The following TRABD2B variants were observed in gnomAD, a reference collection of about 807,000 sequenced individuals.
TRABD2B encodes the protein metalloprotease TIKI2.
TRABD2B carries 14 observed loss-of-function variants against 40.1 expected under a neutral mutation model. The ratio of observed to expected loss-of-function variants is 0.35; its 90% CI spans 0.23 to 0.55. The LOEUF is 0.55. Among genes scored for constraint, TRABD2B ranks in the 20% least tolerant of loss-of-function variants. TRABD2B has a pLI of 0.90. For synonymous variants in TRABD2B, 263 were observed against 277.0 expected (o/e 0.95, Z 0.50); for missense variants, 541 against 648.6 (o/e 0.83, Z 1.80).
intron 2 of TRABD2B, among the ~76,000 whole-genome samples, chr1:47,843,060 C>T (rs1297111722): frequency 6.6e-6 from 1 of 152,060 alleles, no homozygotes; most frequent in Non-Finnish European, 1.5e-5. Context: ...GCCAGTGTGG[C>T]TGCTGTATAG....
intron 2 of TRABD2B, among the ~76,000 whole-genome samples, chr1:47,914,192 C>T (rs908330023): frequency 1.4e-4 from 21 of 152,236 alleles, no homozygotes; most frequent in African/African-American, 5.1e-4. Context: ...GTCGTGAGCC[C>T]CAGTCCCAAA....
intron 3 of TRABD2B, among the ~76,000 whole-genome samples, chr1:47,797,232 G>A (rs1322403117): frequency 6.6e-6 from 1 of 152,216 alleles, no homozygotes; most frequent in African/African-American, 2.4e-5. Context: ...GATTAAACAA[G>A]ATGTGTTTTG....
intron 2 of TRABD2B, among the ~76,000 whole-genome samples, chr1:47,956,535 C>A (rs1275242266): frequency 6.6e-6 from 1 of 152,226 alleles, no homozygotes; most frequent in African/African-American, 2.4e-5. Flanking sequence ...ATGGTCTTAG[C>A]AAACAGCACA....
intron 2 of TRABD2B, among the ~76,000 whole-genome samples, chr1:47,833,185 G>A (rs890687542): frequency 1.3e-5 from 2 of 152,332 alleles, no homozygotes. Flanking sequence ...GTGGGGGATG[G>A]TGGCAGAGAG....
chr1:47,830,766 G>A (rs1308822005), intron 2 of TRABD2B, among the ~76,000 whole-genome samples: 4 of 152,176 alleles, frequency 2.6e-5, no homozygotes, highest in African/African-American at 4.8e-5. Context: ...AGGGAAAGAC[G>A]GAGGCAAAGA....
intron 2 of TRABD2B, among the ~76,000 whole-genome samples, chr1:47,916,308 A>C (rs540514038): frequency 3.0e-4 from 46 of 152,214 alleles, no homozygotes; most frequent in African/African-American, 1.1e-3. Flanking sequence ...TCCAACATCC[A>C]CTAAGGAGTC....
chr1:47,794,790 G>GT (rs555844964), intron 3 of TRABD2B, 30 bp from the exon 4 acceptor site: 219,623 of 1,104,360 alleles, frequency 0.2, 1,086 homozygotes, highest in Non-Finnish European at 0.21. Context: ...GCTGCCTTCA[G>GT]TTTTTTTTTT....
chr1:47,769,287 G>A (rs969909842), intron 6 of TRABD2B, among the ~76,000 whole-genome samples: 1 of 152,260 alleles, frequency 6.6e-6, no homozygotes, highest in South Asian at 2.1e-4. Context: ...TTGGTGGGCT[G>A]GCTTCAGGAC....
chr1:47,961,803 G>A (rs1645520419), intron 2 of TRABD2B, among the ~76,000 whole-genome samples: 1 of 152,186 alleles, frequency 6.6e-6, no homozygotes, highest in African/African-American at 2.4e-5. Context: ...AAGACAGTGT[G>A]GAGACTCCTC....
At chr1:47,769,183 T>C (rs1162717010) in intron 6 of TRABD2B, among the ~76,000 whole-genome samples, 1 of 150,762 alleles carries the variant, frequency 6.6e-6, no homozygotes, top group Non-Finnish European at 1.5e-5. Flanking sequence ...AAAACAAAAA[T>C]AAAAAAAAAG....
intron 2 of TRABD2B, among the ~76,000 whole-genome samples, chr1:47,988,461 G>A (rs1438595531): frequency 5.3e-5 from 8 of 152,290 alleles, no homozygotes; most frequent in African/African-American, 1.7e-4. Context: ...GAATGAGTGA[G>A]GAGCAACAGA....
intron 2 of TRABD2B, among the ~76,000 whole-genome samples, chr1:47,944,888 G>A (rs1291983215): frequency 6.6e-6 from 1 of 152,182 alleles, no homozygotes; most frequent in Non-Finnish European, 1.5e-5. Flanking sequence ...AGGAGATTTG[G>A]AGGTTGAGAA....
chr1:47,835,506 G>A lies in TRABD2B; in HGVS notation c.667-33887C>T, dbSNP rs1042392989. Among the ~76,000 whole-genome samples, 7 of 152,092 alleles carry A rather than the reference G, an allele frequency of 4.6e-5. No homozygotes were observed. The South Asian group carries it at 1.5e-3, about 32-fold the overall frequency. ...TCATAATCAAGCTGTCAAAAGCCAA[G>A]GACAGAAAGAACCTTGAAAGGAGCA... On this transcript the variant is annotated intron_variant, in intron 2 of 6. Transcript: ENST00000606738.
chr1:47,808,301 T>TGC (rs1481443209), intron 2 of TRABD2B, among the ~76,000 whole-genome samples: 4 of 152,372 alleles, frequency 2.6e-5, no homozygotes, highest in African/African-American at 9.6e-5. Flanking sequence ...CGTGTGTGTG[T>TGC]GTGTGTGTGT....
chr1:47,945,622 C>T (rs776067743), intron 2 of TRABD2B, among the ~76,000 whole-genome samples: 80 of 152,264 alleles, frequency 5.3e-4, no homozygotes, highest in Admixed American at 1.1e-3. Context: ...TGTTTTCTGT[C>T]TCTATAGTTT....
chr1:47,840,274 A>G (rs1645378856), intron 2 of TRABD2B, among the ~76,000 whole-genome samples: 1 of 152,134 alleles, frequency 6.6e-6, no homozygotes, highest in South Asian at 2.1e-4. Context: ...TTTCACATAC[A>G]TTGCCTTAAG....
intron 2 of TRABD2B, among the ~76,000 whole-genome samples, chr1:47,904,289 G>T (rs1203601328): frequency 6.6e-6 from 1 of 152,154 alleles, no homozygotes; most frequent in Non-Finnish European, 1.5e-5. Context: ...ATGATCAATG[G>T]CTGGGATGGG....
chr1:47,814,891 C>A (rs191255077), intron 2 of TRABD2B, among the ~76,000 whole-genome samples: 31 of 152,244 alleles, frequency 2.0e-4, no homozygotes, highest in Non-Finnish European at 3.5e-4. Context: ...GGAGACACTT[C>A]CTGGCAACAG....
chr1:47,864,520 A>G (rs1365751299), intron 2 of TRABD2B, among the ~76,000 whole-genome samples: 1 of 152,174 alleles, frequency 6.6e-6, no homozygotes, highest in Non-Finnish European at 1.5e-5. Context: ...TTTAGTCTAC[A>G]CTAAGGAAAA....
Sources: gnomAD v4.1 joint callset for allele counts (sites outside exome capture counted in the v4.1 genomes callset) on GRCh38, gnomAD v4.1.1 for gene constraint, MANE v1.5 for transcripts, NCBI Gene and HGNC (gene_info 2026-07-23, HGNC 2026-07-21) for gene names.